MAGI2: variants seen among roughly 807,000 people sequenced by gnomAD.
MAGI2 encodes the protein membrane-associated guanylate kinase, WW and PDZ domain-containing protein 2.
Under a neutral mutation model 133.3 loss-of-function variants are expected in MAGI2, and 35 were observed. That is an observed-to-expected ratio of 0.26 (90% CI 0.20 to 0.35). The LOEUF is 0.35. Ranked by LOEUF, MAGI2 falls within the 10% of genes least tolerant of loss-of-function variation. MAGI2 has a pLI of 1.00. For missense variants in MAGI2, 1,636 were observed against 1,863.4 expected (o/e 0.88, Z 2.25); for synonymous variants, 729 against 710.6 (o/e 1.03, Z -0.41).
rs143032397 is a variant in MAGI2, at chr7:78,400,831, T to C, written c.1046-31618A>G. 9.2e-5 allele frequency among the ~76,000 whole-genome samples: 14 copies of C among 152,298 alleles called. No homozygotes were observed. In the East Asian group the frequency reaches 2.5e-3, roughly 27 times the overall value. The stretch of plus-strand genomic sequence containing the variant: ...TAAGTAGTTTTCTGGGCATTTCTGG[T>C]TCAGGGAAACAAGATTTAAGTTTAT... On this transcript the variant is annotated intron_variant, in intron 6 of 21. Coordinates refer to ENST00000354212, the MANE Select transcript of MAGI2 (RefSeq NM_012301.4).
At chr7:78,623,380 C>T (rs1187512126) in intron 3 of MAGI2, among the ~76,000 whole-genome samples, 1 of 151,932 alleles carries the variant, frequency 6.6e-6, no homozygotes, top group African/African-American at 2.4e-5. Context: ...TCACAAAGCC[C>T]ATGGGAAATT....
intron 2 of MAGI2, among the ~76,000 whole-genome samples, chr7:78,723,491 G>C (rs1820463760): frequency 2.0e-5 from 3 of 152,110 alleles, no homozygotes; most frequent in Admixed American, 2.0e-4. Context: ...AAGGGGGAGA[G>C]GCAATGACAA....
intron 10 of MAGI2, among the ~76,000 whole-genome samples, chr7:78,215,454 A>C (rs1005408952): frequency 2.6e-4 from 39 of 152,200 alleles, no homozygotes; most frequent in African/African-American, 9.4e-4. Flanking sequence ...GATATGAGTA[A>C]GACATCAACA....
intron 2 of MAGI2, among the ~76,000 whole-genome samples, chr7:78,692,473 G>C (rs1436773176): frequency 6.6e-6 from 1 of 152,126 alleles, no homozygotes; most frequent in South Asian, 2.1e-4. Flanking sequence ...GGTCTGGAAA[G>C]AAACATTCTG....
chr7:79,164,381 C>T (rs1824718082), intron 1 of MAGI2, among the ~76,000 whole-genome samples: 1 of 151,940 alleles, frequency 6.6e-6, no homozygotes, highest in Non-Finnish European at 1.5e-5. Flanking sequence ...TTTGAGGTGG[C>T]CCTGCAAAGC....
At chr7:79,336,201 T>C (rs1840427111) in intron 1 of MAGI2, among the ~76,000 whole-genome samples, 1 of 152,106 alleles carries the variant, frequency 6.6e-6, no homozygotes, top group African/African-American at 2.4e-5. Flanking sequence ...ATCATGAAGC[T>C]ACTATTCTGT....
At chr7:78,425,339 C>A (rs1383673409) in intron 6 of MAGI2, among the ~76,000 whole-genome samples, 1 of 152,120 alleles carries the variant, frequency 6.6e-6, no homozygotes, top group Non-Finnish European at 1.5e-5. Context: ...ACTGTAAGTC[C>A]AATTAAACCT....
intron 1 of MAGI2, among the ~76,000 whole-genome samples, chr7:79,346,122 C>T (rs1841293453): frequency 6.6e-6 from 1 of 151,974 alleles, no homozygotes; most frequent in Non-Finnish European, 1.5e-5. Flanking sequence ...TAATATCCAA[C>T]ACTTAGATTT....
chr7:78,703,740 T>C (rs1818311430), intron 2 of MAGI2, among the ~76,000 whole-genome samples: 1 of 152,044 alleles, frequency 6.6e-6, no homozygotes, highest in Admixed American at 6.6e-5. Context: ...ACTTAGTTTA[T>C]ATACCATGCC....
In MAGI2 at chr7:79,348,624, T is replaced by C. The variant is rs141159486; in HGVS notation, c.301+104396A>G. 4.6e-4 allele frequency among the ~76,000 whole-genome samples: 70 copies of C among 152,000 alleles called. No individual in the cohort carries two copies. In the East Asian group the frequency reaches 0.013, roughly 28 times the overall value. Reference sequence around the variant, plus strand: ...TTAAAGGAAGTCTAGAAACTATTTTTATCTAAGTTTCTACAAATCAAAAAG... The same window carrying C: ...TTAAAGGAAGTCTAGAAACTATTTTCATCTAAGTTTCTACAAATCAAAAAG... On this transcript the variant is annotated intron_variant, in intron 1 of 21. Transcript: ENST00000354212.
chr7:78,065,843 A>G (rs1221705581), intron 21 of MAGI2, among the ~76,000 whole-genome samples: 2 of 152,242 alleles, frequency 1.3e-5, no homozygotes, highest in Non-Finnish European at 2.9e-5. Context: ...GCATGCAGCA[A>G]GTGAAATTAG....
At chr7:78,640,364 T>C (rs1037316667) in intron 2 of MAGI2, among the ~76,000 whole-genome samples, 1 of 151,974 alleles carries the variant, frequency 6.6e-6, no homozygotes, top group African/African-American at 2.4e-5. Flanking sequence ...TGCTGAGAAA[T>C]GCAATTATCA....
At chr7:78,720,821 G>T (rs563119266) in intron 2 of MAGI2, among the ~76,000 whole-genome samples, 3 of 152,156 alleles carry the variant, frequency 2.0e-5, no homozygotes, top group Admixed American at 2.0e-4. Context: ...AGGTAAGAAA[G>T]ATCAAATAGA....
At chr7:79,234,699 A>T (rs900201870) in intron 1 of MAGI2, among the ~76,000 whole-genome samples, 4 of 148,306 alleles carry the variant, frequency 2.7e-5, no homozygotes, top group Non-Finnish European at 6.0e-5. Context: ...ATTCTTCTCA[A>T]TTTTTTTCAA....
At chr7:78,592,742 G>A (rs1804146551) in intron 3 of MAGI2, among the ~76,000 whole-genome samples, 2 of 151,806 alleles carry the variant, frequency 1.3e-5, no homozygotes, top group African/African-American at 4.8e-5. Flanking sequence ...TGGAGACCTG[G>A]GAAAGCAGGC....
chr7:79,266,786 C>T (rs568848928), intron 1 of MAGI2, among the ~76,000 whole-genome samples: 2 of 152,272 alleles, frequency 1.3e-5, no homozygotes, highest in Non-Finnish European at 2.9e-5. Flanking sequence ...TGAGACAAAG[C>T]AGGAACCCTT....
chr7:78,760,959 C>G (rs996754754), intron 2 of MAGI2, among the ~76,000 whole-genome samples: 1 of 152,198 alleles, frequency 6.6e-6, no homozygotes, highest in African/African-American at 2.4e-5. Flanking sequence ...TGTTGAATGC[C>G]TACAATGTGC....
At chr7:78,537,934 G>A (rs941546356) in intron 3 of MAGI2, among the ~76,000 whole-genome samples, 1 of 152,102 alleles carries the variant, frequency 6.6e-6, no homozygotes, top group African/African-American at 2.4e-5. Flanking sequence ...GTCTAGAAGG[G>A]TTTTTCCAAT....
Position 79,136,155 on chromosome 7 carries a change from T to C in MAGI2, c.302-128949A>G, listed in dbSNP as rs576345883. 4.1e-4 allele frequency among the ~76,000 whole-genome samples: 62 copies of C among 152,118 alleles called. 1 individual carries two copies. In the East Asian group the frequency reaches 0.011, roughly 28 times the overall value. On this transcript the variant is annotated intron_variant, in intron 1 of 21. Transcript: ENST00000354212. The stretch of plus-strand genomic sequence containing the variant: ...ACACAAAAGGCACTGTATACAGTCT[T>C]ACTTTTAACATTTAAATTTACCAGA...
Sources: allele counts gnomAD v4.1 joint callset (sites outside exome capture counted in the v4.1 genomes callset), GRCh38; gene constraint gnomAD v4.1.1; transcripts MANE v1.5; gene names NCBI Gene and HGNC (gene_info 2026-07-23, HGNC 2026-07-21).